The following DYM variants were observed in gnomAD, a reference collection of about 807,000 sequenced individuals.
DYM encodes dyggve-Melchior-Clausen syndrome protein.
Under a neutral mutation model 93.1 loss-of-function variants are expected in DYM, and 78 were observed. The ratio of observed to expected loss-of-function variants is 0.84; its 90% CI spans 0.70 to 1.01. DYM has a LOEUF of 1.01. Ranked by LOEUF, DYM falls within the 50% of genes least tolerant of loss-of-function variation. The pLI, the probability that DYM is intolerant of heterozygous loss-of-function variation, is 0.00. For synonymous variants in DYM, 321 were observed against 319.7 expected (o/e 1.00, Z -0.04); for missense variants, 789 against 845.0 (o/e 0.93, Z 0.82).
intron 17 of DYM, among the ~76,000 whole-genome samples, chr18:49,045,424 C>T (rs1170028417): frequency 6.6e-6 from 1 of 152,228 alleles, no homozygotes; most frequent in Non-Finnish European, 1.5e-5. Flanking sequence ...ATGTCCCAGA[C>T]ACACTGTAGA....
chr18:49,342,851 T>C (rs2064271648), intron 6 of DYM, among the ~76,000 whole-genome samples: 1 of 152,194 alleles, frequency 6.6e-6, no homozygotes, highest in African/African-American at 2.4e-5. Flanking sequence ...GGTAGGTGTG[T>C]AGCAGGCTAT....
At chr18:49,393,241 T>C (rs1486387520) in intron 2 of DYM, among the ~76,000 whole-genome samples, 1 of 152,022 alleles carries the variant, frequency 6.6e-6, no homozygotes, top group Non-Finnish European at 1.5e-5. Flanking sequence ...TGTAAAATGA[T>C]GCAGCCACTA....
intron 13 of DYM, 114 bp downstream of exon 13, chr18:49,256,896 A>C: frequency 1.2e-6 from 1 of 865,950 alleles, no homozygotes; most frequent in Non-Finnish European, 1.9e-6. Context: ...ATAAAAATTA[A>C]GTAGGAAAAT....
intron 8 of DYM, 150 bp downstream of exon 8, chr18:49,331,714 A>G: frequency 1.2e-6 from 1 of 843,726 alleles, no homozygotes; most frequent in Admixed American, 2.0e-5. Flanking sequence ...CAGAAAGATT[A>G]ATATTTTAAT....
At chr18:49,275,315 C>G (rs1477210662) in intron 10 of DYM, among the ~76,000 whole-genome samples, 2 of 152,118 alleles carry the variant, frequency 1.3e-5, no homozygotes, top group Non-Finnish European at 2.9e-5. Flanking sequence ...CAATTCAACT[C>G]CATTGATGTA....
chr18:49,163,853 A>C, intron 14 of DYM, 66 bp from the exon 15 acceptor site: 10 of 1,003,162 alleles, frequency 1.0e-5, no homozygotes, highest in Non-Finnish European at 1.5e-5. Flanking sequence ...TTCTGTGGAA[A>C]TATATAGTTC....
chr18:49,088,016 C>A (rs2078704939), intron 17 of DYM, among the ~76,000 whole-genome samples: 1 of 152,068 alleles, frequency 6.6e-6, no homozygotes, highest in South Asian at 2.1e-4. Context: ...TGTATATTAG[C>A]CCTTTGTCAG....
At position 49,071,670 on chromosome 18, in the gene DYM, T is replaced by G. The variant is rs572248083; in HGVS notation, c.2025+25732A>C. Among the ~76,000 whole-genome samples, 310 of 152,292 alleles carry G rather than the reference T, an allele frequency of 2.0e-3. 2 individuals carry two copies. Among genetic ancestry groups the G allele is most frequent in the Middle Eastern group, 6.8e-3 (2 of 294 alleles). On this transcript the variant is annotated intron_variant, in intron 17 of 17. Coordinates refer to ENST00000675505, the MANE Select transcript of DYM (RefSeq NM_001353214.3). The stretch of plus-strand genomic sequence containing the variant: ...TCACTGATAGTAAATCACTACTTAC[T>G]TGGGGGCCTAAAATAATCAGGGTTA...
chr18:49,319,093 C>A (rs183717051), intron 8 of DYM, among the ~76,000 whole-genome samples: 1 of 152,068 alleles, frequency 6.6e-6, no homozygotes, highest in Admixed American at 6.5e-5. Context: ...GCGTGAGCCA[C>A]GCAACCGGCC....
chr18:49,442,841 G>T (rs752286706), intron 1 of DYM, among the ~76,000 whole-genome samples: 2 of 151,308 alleles, frequency 1.3e-5, no homozygotes, highest in Non-Finnish European at 2.9e-5. Context: ...CCTATGTGCT[G>T]CCTGAAGAAT....
At chr18:49,208,747 A>G (rs1348486107) in intron 14 of DYM, 1 of 152,134 alleles carries the variant, frequency 6.6e-6, no homozygotes, top group Non-Finnish European at 1.5e-5. Context: ...TCTGGCAGTG[A>G]AGTTATTGCC....
At chr18:49,190,636 T>C (rs571728184) in intron 14 of DYM, among the ~76,000 whole-genome samples, 3 of 152,286 alleles carry the variant, frequency 2.0e-5, no homozygotes, top group African/African-American at 7.2e-5. Context: ...AACTTAAAAG[T>C]GAACATTTTT....
intron 2 of DYM, among the ~76,000 whole-genome samples, chr18:49,425,071 A>G (rs2148397609): frequency 6.6e-6 from 1 of 152,214 alleles, no homozygotes; most frequent in African/African-American, 2.4e-5. Context: ...ATCAAAAAAG[A>G]GCCCGCATTG....
At chr18:49,208,199 A>T (rs1351777097) in intron 14 of DYM, among the ~76,000 whole-genome samples, 4 of 151,384 alleles carry the variant, frequency 2.6e-5, no homozygotes, top group Admixed American at 6.6e-5. Context: ...AAAAAAAAAA[A>T]AAAAATTAAA....
intron 14 of DYM, among the ~76,000 whole-genome samples, chr18:49,195,315 T>A (rs1352769275): frequency 6.6e-6 from 1 of 152,204 alleles, no homozygotes; most frequent in Non-Finnish European, 1.5e-5. Flanking sequence ...GAGTGATACC[T>A]CTATGTGTGT....
intron 2 of DYM, among the ~76,000 whole-genome samples, chr18:49,426,338 T>C (rs934165008): frequency 3.0e-5 from 4 of 135,568 alleles, no homozygotes; most frequent in Non-Finnish European, 4.6e-5. Context: ...TAGGTGGGAA[T>C]TGAACAATGA....
At chr18:49,126,735 TGTGA>T (rs1283497871) in intron 15 of DYM, among the ~76,000 whole-genome samples, 1 of 152,200 alleles carries the variant, frequency 6.6e-6, no homozygotes, top group Admixed American at 6.5e-5. Flanking sequence ...GTAAGCACTA[TGTGA>T]GTGTTATCCA....
intron 13 of DYM, among the ~76,000 whole-genome samples, chr18:49,234,401 G>A (rs11082741): frequency 0.082 from 12,536 of 152,016 alleles, 646 homozygotes; most frequent in East Asian, 0.18. Flanking sequence ...AGATTGCGGT[G>A]AGCCAAGATT....
rs776863478 is a variant in DYM at position 49,430,370 on chromosome 18, C to T, written c.25G>A (p.Gly9Ser). 9.3e-6 allele frequency: 15 copies of T among 1,613,636 alleles called. No individual in the cohort carries two copies. The highest frequency in any genetic ancestry group is 2.7e-5 in the African/African-American group (2 of 74,878). MGSNSSRI[G>S]DLPKNEYLKK... ...AAGTACTCATTTTTAGGAAGATCGC[C>T]GATTCTGCTGCTATTCGATCCCATC... Residue 9 changes from glycine (G) to serine (S), a missense_variant, in exon 2 of 18, where the codon GGC becomes AGC. Physicochemically the swap from Gly to Ser is moderately conservative, Grantham distance 56. Coordinates refer to ENST00000675505, the MANE Select transcript of DYM (RefSeq NM_001353214.3).
Sources: allele counts gnomAD v4.1 joint callset (sites outside exome capture counted in the v4.1 genomes callset), GRCh38; gene constraint gnomAD v4.1.1; transcripts MANE v1.5; gene names NCBI Gene and HGNC (gene_info 2026-07-23, HGNC 2026-07-21).